Variants in NAV2 observed in about 807,000 individuals in gnomAD.
NAV2 encodes neuron navigator 2, also known as helicase, APC down-regulated 1.
A neutral mutation model predicts 223.2 loss-of-function variants in NAV2; 54 were observed. That is an observed-to-expected ratio of 0.24 (90% CI 0.19 to 0.30). NAV2 has a LOEUF of 0.30. Ranked by LOEUF, NAV2 falls within the 10% of genes least tolerant of loss-of-function variation. The pLI is 1.00. For synonymous variants in NAV2, 1,279 were observed against 1,239.3 expected (o/e 1.03, Z -0.67); for missense variants, 2,806 against 3,147.5 (o/e 0.89, Z 2.60).
At chr11:19,729,991 G>A (rs1236315004) in intron 1 of NAV2, among the ~76,000 whole-genome samples, 50 of 152,196 alleles carry the variant, frequency 3.3e-4, no homozygotes, top group Admixed American at 3.2e-3. Flanking sequence ...ACCTTAGGAG[G>A]TAGATAGCTC....
intron 1 of NAV2, among the ~76,000 whole-genome samples, chr11:19,643,927 A>G (rs1233319310): frequency 6.6e-6 from 1 of 152,224 alleles, no homozygotes; most frequent in Non-Finnish European, 1.5e-5. Flanking sequence ...GCTCTTCTAA[A>G]TATGTGTGTT....
intron 1 of NAV2, among the ~76,000 whole-genome samples, chr11:19,613,287 C>T (rs889342940): frequency 2.0e-5 from 3 of 152,110 alleles, no homozygotes; most frequent in African/African-American, 7.2e-5. Flanking sequence ...AGGGTCTACC[C>T]TGTGTTTGAG....
At chr11:19,917,704 C>G (rs1352960071) in intron 6 of NAV2, among the ~76,000 whole-genome samples, 1 of 152,218 alleles carries the variant, frequency 6.6e-6, no homozygotes, top group Non-Finnish European at 1.5e-5. Context: ...CCTCCGCCTC[C>G]TGGGTTCAAG....
chr11:19,950,318 C>T (rs1195410636), intron 10 of NAV2, among the ~76,000 whole-genome samples: 2 of 152,196 alleles, frequency 1.3e-5, no homozygotes, highest in East Asian at 1.9e-4. Flanking sequence ...TACTTTTATA[C>T]TCTCTTGTTC....
intron 1 of NAV2, among the ~76,000 whole-genome samples, chr11:19,743,560 G>A (rs1049239385): frequency 6.6e-6 from 1 of 152,236 alleles, no homozygotes; most frequent in African/African-American, 2.4e-5. Context: ...CTAGGCATGA[G>A]GAGCTTGTGT....
intron 1 of NAV2, among the ~76,000 whole-genome samples, chr11:19,685,483 C>A (rs543645495): frequency 2.0e-5 from 3 of 152,070 alleles, no homozygotes; most frequent in African/African-American, 4.8e-5. Context: ...TCAAGCTCTG[C>A]GGGCTCCAAG....
At chr11:19,747,026 AT>A (rs200660953) in intron 1 of NAV2, among the ~76,000 whole-genome samples, 1 of 36,248 alleles carries the variant, frequency 2.8e-5, no homozygotes, top group Non-Finnish European at 9.2e-5. Context: ...ATATCTCCTA[AT>A]ATCTATCCCT....
chr11:19,401,865 C>T (rs966221820), intron 1 of NAV2: 2 of 152,212 alleles, frequency 1.3e-5, no homozygotes, highest in Non-Finnish European at 2.9e-5. Context: ...ACTTAAGAAA[C>T]ATGTCACATT....
chr11:19,580,011 T>G (rs887030894), intron 1 of NAV2, among the ~76,000 whole-genome samples: 2 of 152,216 alleles, frequency 1.3e-5, no homozygotes, highest in Non-Finnish European at 2.9e-5. Flanking sequence ...AATTGGACAA[T>G]TGTATCTTTT....
Position 19,933,405 on chromosome 11 carries a change from A to C in NAV2, c.1161A>C (p.Thr387=), listed in dbSNP as rs1267778834. The part of the protein sequence containing the change: ...KPPGPEAPRP[T]PEAMKPAPNN... Reference sequence around the variant, plus strand: ...CTGGGCCTGAGGCCCCCAGGCCCACACCTGAAGCCATGAAGCCGGCCCCCA... The same window carrying C: ...CTGGGCCTGAGGCCCCCAGGCCCACCCCTGAAGCCATGAAGCCGGCCCCCA... Residue 387 remains threonine, a synonymous_variant, in exon 7 of 38, where the codon ACA becomes ACC. Coordinates refer to ENST00000349880, the MANE Select transcript of NAV2 (RefSeq NM_145117.5). The surrounding 1 kb of genome is among the most constrained non-coding windows in gnomAD (Gnocchi z 4.3). The C allele has an allele frequency of 6.3e-7, 1 of 1,580,182 alleles. No homozygotes were observed. The highest frequency in any genetic ancestry group is 8.6e-7 in the Non-Finnish European group (1 of 1,163,514).
intron 11 of NAV2, among the ~76,000 whole-genome samples, chr11:19,993,002 G>A (rs1430454105): frequency 1.3e-5 from 2 of 152,146 alleles, no homozygotes; most frequent in Non-Finnish European, 1.5e-5. Context: ...CAATATGAAA[G>A]CAAGAATAAG....
rs778187534 is a variant in NAV2 at position 19,946,418 on chromosome 11, C to T, written c.2164C>T (p.Arg722Trp). Residue 722 changes from arginine to tryptophan, a missense_variant, in exon 9 of 38, where the codon CGG becomes TGG. Arg to Trp is a moderately radical substitution (Grantham distance 101, BLOSUM62 -3). Coordinates refer to ENST00000349880, the MANE Select transcript of NAV2 (RefSeq NM_145117.5). ...CTTTCTAGGGGAAGATCCTGAGGCT[C>T]GGCGGCTGCGGACAGTGAAGAACAT... is the stretch of plus-strand genomic sequence containing the variant. Reference protein sequence around the residue: ...EELTGEDPEARRLRTVKNIAD... With the variant: ...EELTGEDPEAWRLRTVKNIAD... The T allele has an allele frequency of 8.7e-6, 14 of 1,612,556 alleles. No individual in the cohort carries two copies. Among genetic ancestry groups the T allele is most frequent in the South Asian group, 6.6e-5 (6 of 90,628 alleles).
At chr11:19,909,902 A>G (rs2153219612) in intron 6 of NAV2, among the ~76,000 whole-genome samples, 1 of 152,298 alleles carries the variant, frequency 6.6e-6, no homozygotes, top group South Asian at 2.1e-4. Context: ...TATAAGGCAT[A>G]TATAATAACT....
chr11:19,742,614 G>T (rs1239906425), intron 1 of NAV2, among the ~76,000 whole-genome samples: 1 of 152,106 alleles, frequency 6.6e-6, no homozygotes, highest in African/African-American at 2.4e-5. Context: ...TGAGGCACTG[G>T]TTCCAGGGAG....
chr11:19,758,542 C>T (rs1223044504), intron 1 of NAV2, among the ~76,000 whole-genome samples: 1 of 152,124 alleles, frequency 6.6e-6, no homozygotes, highest in African/African-American at 2.4e-5. Flanking sequence ...GGAATCCATC[C>T]CCACCAATGT....
intron 37 of NAV2, among the ~76,000 whole-genome samples, chr11:20,115,560 A>G (rs1444620501): frequency 7.9e-6 from 1 of 126,578 alleles, no homozygotes; most frequent in African/African-American, 3.0e-5. Flanking sequence ...TGAACCCGGG[A>G]GGTGGAGCTT....
upstream of NAV2, among the ~76,000 whole-genome samples, chr11:19,710,452 T>G (rs1590129324): frequency 3.3e-5 from 5 of 152,366 alleles, no homozygotes; most frequent in South Asian, 1.0e-3. Context: ...GAATGCATGA[T>G]ATATTCATTA....
intron 2 of NAV2, among the ~76,000 whole-genome samples, chr11:19,835,367 C>T (rs2060173265): frequency 6.6e-6 from 1 of 152,236 alleles, no homozygotes; most frequent in South Asian, 2.1e-4. Context: ...GCCAGACTGG[C>T]TGTGCTGGGG....
chr11:19,969,096 G>A (rs1269971648), intron 10 of NAV2, among the ~76,000 whole-genome samples: 1 of 152,192 alleles, frequency 6.6e-6, no homozygotes, highest in Non-Finnish European at 1.5e-5. Flanking sequence ...CACACCTGTG[G>A]TACTGTCCTG....
Sources: gnomAD v4.1 joint callset for allele counts (sites outside exome capture counted in the v4.1 genomes callset) on GRCh38, gnomAD v4.1.1 for gene constraint, Gnocchi (gnomAD v3.1) non-coding constraint, MANE v1.5 for transcripts, NCBI Gene and HGNC (gene_info 2026-07-23, HGNC 2026-07-21) for gene names.